Variants in DLGAP2 observed in about 807,000 individuals in gnomAD.
DLGAP2 encodes the protein disks large-associated protein 2.
DLGAP2 carries 26 observed loss-of-function variants against 100.3 expected under a neutral mutation model. The ratio of observed to expected loss-of-function variants is 0.26; its 90% CI spans 0.19 to 0.36. DLGAP2 has a LOEUF of 0.36. Among genes scored for constraint, DLGAP2 ranks in the 10% least tolerant of loss-of-function variants. The pLI is 1.00. For missense variants in DLGAP2, 1,858 were observed against 1,453.2 expected (o/e 1.28, Z -4.53); for synonymous variants, 886 against 630.1 (o/e 1.41, Z -6.08).
chr8:1,206,364 T>G (rs13261595), intron 2 of DLGAP2, among the ~76,000 whole-genome samples: 1,463 of 56,204 alleles, frequency 0.026, 20 homozygotes, highest in African/African-American at 0.099. Context: ...ATCCGTGGAC[T>G]GGGGTAGACT....
intron 1 of DLGAP2, among the ~76,000 whole-genome samples, chr8:821,134 T>G (rs969780057): frequency 2.4e-4 from 36 of 152,254 alleles, no homozygotes; most frequent in Admixed American, 2.0e-3. Context: ...GCTAATTTTC[T>G]TACCTTATTA....
intron 3 of DLGAP2, among the ~76,000 whole-genome samples, chr8:1,361,904 A>G (rs1021494003): frequency 1.3e-5 from 2 of 152,148 alleles, no homozygotes; most frequent in African/African-American, 4.8e-5. Context: ...TCTCCTGGGC[A>G]CTAACTGTGC....
At chr8:1,692,885 T>A (rs958944519) in intron 13 of DLGAP2, among the ~76,000 whole-genome samples, 3 of 149,000 alleles carry the variant, frequency 2.0e-5, no homozygotes, top group African/African-American at 7.3e-5. Flanking sequence ...TATACTTACA[T>A]ATGCTTATAT....
chr8:1,267,974 TC>T (rs1394684592), intron 3 of DLGAP2, among the ~76,000 whole-genome samples: 1 of 152,170 alleles, frequency 6.6e-6, no homozygotes, highest in Non-Finnish European at 1.5e-5. Flanking sequence ...GCATTTAGAA[TC>T]AGAGGTGAAG....
chr8:1,552,761 G>A lies in DLGAP2; in HGVS notation c.1230+3078G>A, dbSNP rs547987669. Reference sequence around the variant, plus strand: ...TCACTAGGAGCACTTGCAGCTGAACGACAGGATCACTTTTCATTTTCACCC... The same window carrying A: ...TCACTAGGAGCACTTGCAGCTGAACAACAGGATCACTTTTCATTTTCACCC... On this transcript the variant is annotated intron_variant, in intron 5 of 14. Transcript: ENST00000637795. 2.8e-4 allele frequency among the ~76,000 whole-genome samples: 42 copies of A among 152,296 alleles called. No individual in the cohort carries two copies. In the South Asian group the frequency reaches 6.8e-3, roughly 25 times the overall value.
At chr8:911,264 G>C (rs1462049258) in intron 2 of DLGAP2, among the ~76,000 whole-genome samples, 1 of 152,198 alleles carries the variant, frequency 6.6e-6, no homozygotes, top group African/African-American at 2.4e-5. Flanking sequence ...TGTTTCTTAG[G>C]ATGCGTGTGT....
intron 3 of DLGAP2, among the ~76,000 whole-genome samples, chr8:1,264,335 G>A (rs1799409773): frequency 6.6e-6 from 1 of 152,106 alleles, no homozygotes; most frequent in Admixed American, 6.5e-5. Context: ...TGGAAACACT[G>A]TAATTGAGCC....
rs1018239800 is a variant in DLGAP2, at chr8:768,520, G to A, written c.18+30695G>A. On this transcript the variant is annotated intron_variant, in intron 1 of 14. Coordinates refer to ENST00000637795, the MANE Select transcript of DLGAP2 (RefSeq NM_001346810.2). ...GCTCACTGCAACCTCCACCTCCTGG[G>A]TTCAAGTGATTCTCCTGCCTCAGCC... Among the ~76,000 whole-genome samples, 11 of 150,680 alleles carry A rather than the reference G, an allele frequency of 7.3e-5. 1 individual carries two copies. The highest frequency in any genetic ancestry group is 6.6e-5 in the Admixed American group (1 of 15,048).
chr8:1,180,084 T>C (rs1797346889), intron 2 of DLGAP2, among the ~76,000 whole-genome samples: 1 of 152,236 alleles, frequency 6.6e-6, no homozygotes, highest in South Asian at 2.1e-4. Flanking sequence ...GTTGTATCAA[T>C]TCCATAACAT....
At chr8:807,956 C>T (rs1034670609) in intron 1 of DLGAP2, among the ~76,000 whole-genome samples, 3 of 152,178 alleles carry the variant, frequency 2.0e-5, no homozygotes, top group African/African-American at 7.2e-5. Flanking sequence ...GATGTGGTAG[C>T]AGTGAGGCCA....
chr8:1,003,681 C>T (rs1801025471), intron 2 of DLGAP2, among the ~76,000 whole-genome samples: 1 of 152,190 alleles, frequency 6.6e-6, no homozygotes, highest in Non-Finnish European at 1.5e-5. Context: ...CAGGCACTCA[C>T]TCACACAGGG....
intron 1 of DLGAP2, among the ~76,000 whole-genome samples, chr8:851,880 T>G (rs1363002504): frequency 6.6e-6 from 1 of 152,178 alleles, no homozygotes; most frequent in Admixed American, 6.5e-5. Context: ...TGCGTTTCCC[T>G]CTCACCTTCA....
chr8:1,665,079 C>G (rs1798509914), intron 8 of DLGAP2, among the ~76,000 whole-genome samples: 1 of 152,250 alleles, frequency 6.6e-6, no homozygotes, highest in Non-Finnish European at 1.5e-5. Flanking sequence ...CTGTAGCAAA[C>G]ACATTATAAA....
chr8:854,892 T>C (rs1797248154), intron 1 of DLGAP2, among the ~76,000 whole-genome samples: 1 of 152,082 alleles, frequency 6.6e-6, no homozygotes, highest in Non-Finnish European at 1.5e-5. Flanking sequence ...CAGGAAACAG[T>C]AGTGAGGAAC....
rs185021952 is a variant in DLGAP2 at position 1,279,592 on chromosome 8, G to A, written c.106+20709G>A. Among the ~76,000 whole-genome samples, 445 of 152,352 alleles carry A rather than the reference G, an allele frequency of 2.9e-3. 2 individuals carry two copies. Among genetic ancestry groups the A allele is most frequent in the Non-Finnish European group, 4.3e-3 (295 of 68,026 alleles). Reference sequence around the variant, plus strand: ...AACAACACACATGTGTCATCTCAGTGTCTGAGAGTCCAGGGTCTGGGAATG... The same window carrying A: ...AACAACACACATGTGTCATCTCAGTATCTGAGAGTCCAGGGTCTGGGAATG... On this transcript the variant is annotated intron_variant, in intron 3 of 14. Coordinates refer to ENST00000637795, the MANE Select transcript of DLGAP2 (RefSeq NM_001346810.2).
intron 3 of DLGAP2, among the ~76,000 whole-genome samples, chr8:1,411,510 T>C (rs1261563686): frequency 2.0e-5 from 3 of 152,172 alleles, no homozygotes; most frequent in East Asian, 1.9e-4. Context: ...CCTGGTGACA[T>C]TGGCAGGAAG....
In DLGAP2 at chr8:1,185,571, C is replaced by T. The variant is rs541537900; in HGVS notation, c.74-73280C>T. ...ACAAAACATCCTAACATCCACTAGT[C>T]ATTTATTGACTCGCTAATTCCATCA... On this transcript the variant is annotated intron_variant, in intron 2 of 14. Transcript: ENST00000637795. Among the ~76,000 whole-genome samples, 5 of 152,278 alleles carry T rather than the reference C, an allele frequency of 3.3e-5. No homozygotes were observed. The East Asian group carries it at 9.7e-4, about 29-fold the overall frequency.
At chr8:1,603,462 C>T (rs908110493) in intron 6 of DLGAP2, among the ~76,000 whole-genome samples, 3 of 150,444 alleles carry the variant, frequency 2.0e-5, no homozygotes, top group African/African-American at 7.4e-5. Flanking sequence ...GGCTGGGTCT[C>T]AGTTCTGTAG....
At chr8:1,643,580 C>G (rs1210809175) in intron 8 of DLGAP2, among the ~76,000 whole-genome samples, 2 of 8,242 alleles carry the variant, frequency 2.4e-4, no homozygotes, top group African/African-American at 2.5e-3. Flanking sequence ...TGTCACCCTC[C>G]AACCCGCCGG....
Sources: gnomAD v4.1 joint callset for allele counts (sites outside exome capture counted in the v4.1 genomes callset) on GRCh38, gnomAD v4.1.1 for gene constraint, MANE v1.5 for transcripts, NCBI Gene and HGNC (gene_info 2026-07-23, HGNC 2026-07-21) for gene names.